Variants in SEZ6 observed in about 807,000 individuals in gnomAD.
SEZ6 encodes the protein seizure related 6 homolog.
A neutral mutation model predicts 101.0 loss-of-function variants in SEZ6; 53 were observed. The observed-to-expected ratio is 0.52, with a 90% CI of 0.42 to 0.66. The LOEUF (loss-of-function observed/expected upper bound fraction) is 0.66, where lower values mean the gene tolerates loss of function less well. Ranked by LOEUF, SEZ6 falls within the 30% of genes least tolerant of loss-of-function variation. SEZ6 has a pLI of 0.00. For synonymous variants in SEZ6, 488 were observed against 512.2 expected, an observed-to-expected ratio of 0.95 and a Z score of 0.64; for missense variants, 1,102 against 1,289.4, an observed-to-expected ratio of 0.85 and a Z score of 2.23.
At chr17:28,997,613 T>G (rs1167411919) in intron 1 of SEZ6, among the ~76,000 whole-genome samples, 1 of 152,198 alleles carries the variant, frequency 6.6e-6, no homozygotes, top group Admixed American at 6.5e-5. Flanking sequence ...CCTCCAGAGA[T>G]GCCTGACAAA....
At position 28,964,167 on chromosome 17, in the gene SEZ6, G is replaced by A. The variant is rs371973939; in HGVS notation, c.1055-20C>T. 6 of 1,553,784 alleles carry A rather than the reference G, an allele frequency of 3.9e-6. No homozygotes were observed. Among genetic ancestry groups the A allele is most frequent in the Non-Finnish European group, 5.2e-6 (6 of 1,147,140 alleles). On this transcript the variant is annotated intron_variant, in intron 4 of 16. Transcript: ENST00000317338. The stretch of plus-strand genomic sequence containing the variant: ...GATAGGCTGCAAACAGAGAACGGGT[G>A]ACACTGTGTATGTGTGCAGGGTGGG...
chr17:29,003,044 G>A lies in SEZ6; in HGVS notation c.55+2771C>T, dbSNP rs568219517. On this transcript the variant is annotated intron_variant, in intron 1 of 16. Transcript: ENST00000317338. ...CCATGGAGGCAGCCTCCATTCCTGAGACCCAACCTTACCCCAGTCTCAGCG... is the reference window on the plus strand; with the variant it reads ...CCATGGAGGCAGCCTCCATTCCTGAAACCCAACCTTACCCCAGTCTCAGCG... Among the ~76,000 whole-genome samples the A allele has an allele frequency of 1.9e-4, 29 of 152,208 alleles. No individual in the cohort carries two copies. In the East Asian group the frequency reaches 5.6e-3, roughly 29 times the overall value.
At chr17:28,996,980 A>G (rs1346386461) in intron 1 of SEZ6, among the ~76,000 whole-genome samples, 1 of 152,148 alleles carries the variant, frequency 6.6e-6, no homozygotes, top group Non-Finnish European at 1.5e-5. Context: ...AGGCAGCATC[A>G]GGGATAGAGT....
At chr17:28,991,408 G>A (rs568453990) in intron 1 of SEZ6, among the ~76,000 whole-genome samples, 2 of 152,260 alleles carry the variant, frequency 1.3e-5, no homozygotes, top group East Asian at 3.9e-4. Context: ...GTTTCACCAT[G>A]TTGGCCAGGC....
intron 1 of SEZ6, among the ~76,000 whole-genome samples, chr17:28,986,301 C>A (rs374875433): frequency 6.6e-6 from 1 of 152,240 alleles, no homozygotes; most frequent in East Asian, 1.9e-4. Flanking sequence ...CCCCTTCCTC[C>A]CAACCCCAGC....
rs745986108 is a variant in SEZ6 at position 28,960,785 on chromosome 17, C to G, written c.1409+20G>C. 12 of 1,613,446 alleles carry G rather than the reference C, an allele frequency of 7.4e-6. No individual in the cohort carries two copies. The East Asian group carries it at 2.5e-4, about 33-fold the overall frequency. On this transcript the variant is annotated intron_variant, in intron 6 of 16. Transcript: ENST00000317338. ...TATTACCAGGCCAGGCACTCCCATT[C>G]CACTAGGACAGCCCCTCACCTGTCA...
intron 13 of SEZ6, 93 bp downstream of exon 13, chr17:28,956,952 A>T: frequency 7.1e-7 from 1 of 1,410,540 alleles, no homozygotes; most frequent in Non-Finnish European, 9.6e-7. Flanking sequence ...TGAAGGTGGC[A>T]TGGGCAGGTG....
intron 7 of SEZ6, 76 bp downstream of exon 7, chr17:28,960,429 G>A (rs1872159600): frequency 6.6e-7 from 1 of 1,523,970 alleles, no homozygotes; most frequent in South Asian, 1.2e-5. Flanking sequence ...AGAGGGGTAG[G>A]GTGTGGGAGA....
chr17:28,981,760 T>C lies in SEZ6; in HGVS notation c.335A>G (p.Asn112Ser), dbSNP rs992720725. The C allele has an allele frequency of 6.2e-7, 1 of 1,611,276 alleles. No homozygotes were observed. The highest frequency in any genetic ancestry group is 8.5e-7 in the Non-Finnish European group (1 of 1,177,874). Residue 112 changes from asparagine (N) to serine (S), a missense_variant, in exon 2 of 17, where the codon AAC (asparagine) becomes AGC (serine). Physicochemically the swap from Asn to Ser is conservative, Grantham distance 46. This residue lies in a region of SEZ6 where 406 missense variants were observed against 418.6 expected (regional missense o/e 0.97). Transcript: ENST00000317338. ...GGTAAAGACAGGGCGGCTGTCCTGG[T>C]TGGCCAGGCGGGGAAGGGGACTTGG... The part of the protein sequence containing the change: ...FTPSPLPRLA[N>S]QDSRPVFTSP...
chr17:28,956,980 T>G, intron 13 of SEZ6, 65 bp downstream of exon 13: 1 of 1,480,402 alleles, frequency 6.8e-7, no homozygotes, highest in Non-Finnish European at 9.1e-7. Context: ...TTCTAAACAT[T>G]GGACATCTTT....
intron 1 of SEZ6, among the ~76,000 whole-genome samples, chr17:28,989,266 T>C (rs1325249129): frequency 6.6e-6 from 1 of 152,214 alleles, no homozygotes; most frequent in Non-Finnish European, 1.5e-5. Context: ...AATAAAAATA[T>C]TGAATGCTGC....
At chr17:29,004,932 G>A (rs1387106605) in intron 1 of SEZ6, among the ~76,000 whole-genome samples, 3 of 152,172 alleles carry the variant, frequency 2.0e-5, no homozygotes, top group African/African-American at 7.2e-5. Flanking sequence ...GACCGACGAA[G>A]TTGGGGACCA....
intron 4 of SEZ6, among the ~76,000 whole-genome samples, chr17:28,967,323 C>T (rs1265560546): frequency 7.2e-5 from 11 of 152,198 alleles, no homozygotes; most frequent in Admixed American, 7.2e-4. Flanking sequence ...CAGATGAGAA[C>T]AGGTTCAGAG....
chr17:28,994,109 C>G (rs896123723), intron 1 of SEZ6, among the ~76,000 whole-genome samples: 1 of 152,168 alleles, frequency 6.6e-6, no homozygotes, highest in Non-Finnish European at 1.5e-5. Flanking sequence ...CCTGAAAGTC[C>G]CTAGCATGTC....
intron 1 of SEZ6, among the ~76,000 whole-genome samples, chr17:29,000,010 G>C (rs559307620): frequency 8.6e-4 from 131 of 152,336 alleles, no homozygotes; most frequent in Middle Eastern, 3.4e-3. Context: ...TCTTGGGTCT[G>C]TCTGACAACA....
At chr17:28,968,078 G>A (rs546225186) in intron 4 of SEZ6, among the ~76,000 whole-genome samples, 1 of 152,276 alleles carries the variant, frequency 6.6e-6, no homozygotes, top group South Asian at 2.1e-4. Flanking sequence ...TCATCCTTGT[G>A]ACCTCCAACA....
At position 29,005,356 on chromosome 17, in the gene SEZ6, C is replaced by T. The variant is rs573643717; in HGVS notation, c.55+459G>A. On this transcript the variant is annotated intron_variant, in intron 1 of 16. Transcript: ENST00000317338. This position sits in a 1 kb window ranked among gnomAD's most constrained non-coding sequence, Gnocchi z 4.8. ...TCCCCTCAGTAAGAACACTAGAGGC[C>T]CTGGAACCGGCGGCAAAGTCGAGCG... Among the ~76,000 whole-genome samples, 7 of 152,266 alleles carry T rather than the reference C, an allele frequency of 4.6e-5. No individual in the cohort carries two copies. In the East Asian group the frequency reaches 1.2e-3, roughly 25 times the overall value.
Position 28,957,413 on chromosome 17 carries a change from A to G in SEZ6, c.2429T>C (p.Ile810Thr). 6.2e-7 allele frequency: 1 copy of G among 1,613,740 alleles called. No homozygotes were observed. Among genetic ancestry groups the G allele is most frequent in the African/African-American group, 1.3e-5 (1 of 75,012 alleles). ...DQGFVLMGSSILTCHDRQAGS... is the reference protein window; with the variant it reads ...DQGFVLMGSSTLTCHDRQAGS... ...AGCCTGGCGATCATGGCAGGTGAGG[A>G]TGGAGCTGCCCATCAGCACAAAACC... The change falls in exon 12 of 17, where the codon ATC (isoleucine) becomes ACC (threonine). Residue 810 changes from isoleucine to threonine, a missense_variant. Coordinates refer to ENST00000317338, the MANE Select transcript of SEZ6 (RefSeq NM_178860.5).
chr17:28,986,944 C>A (rs1437807620), intron 1 of SEZ6, among the ~76,000 whole-genome samples: 1 of 152,234 alleles, frequency 6.6e-6, no homozygotes, highest in Admixed American at 6.5e-5. Context: ...ATTTCCCAAG[C>A]CTCTGGCCCC....
Sources: allele counts gnomAD v4.1 joint callset (sites outside exome capture counted in the v4.1 genomes callset), GRCh38; gene constraint gnomAD v4.1.1; regional missense constraint gnomAD v4.1.1; non-coding constraint Gnocchi (gnomAD v3.1); transcripts MANE v1.5; gene names NCBI Gene and HGNC (gene_info 2026-07-23, HGNC 2026-07-21).